Variants in NMRK1 observed in about 807,000 individuals in gnomAD.
NMRK1 encodes the protein nicotinamide riboside kinase 1, also known as NRK 1.
A neutral mutation model predicts 29.9 loss-of-function variants in NMRK1; 28 were observed. The ratio of observed to expected loss-of-function variants is 0.94; its 90% CI spans 0.69 to 1.28. The LOEUF (loss-of-function observed/expected upper bound fraction) is 1.28, where lower values mean the gene tolerates loss of function less well. Among genes scored for constraint, NMRK1 ranks in the 50% most tolerant of loss-of-function variants. The pLI is 0.00. For synonymous variants in NMRK1, 58 were observed against 73.0 expected (o/e 0.79, Z 1.05); for missense variants, 218 against 233.1 (o/e 0.94, Z 0.42).
At chr9:75,082,077 ATT>A (rs1824354916) in intron 2 of NMRK1, among the ~76,000 whole-genome samples, 1 of 152,208 alleles carries the variant, frequency 6.6e-6, no homozygotes, top group Admixed American at 6.5e-5. Flanking sequence ...TGATATTCAG[ATT>A]TAATTCTCAA....
intron 1 of NMRK1, among the ~76,000 whole-genome samples, chr9:75,085,086 A>C (rs549397574): frequency 2.5e-4 from 38 of 152,284 alleles, no homozygotes; most frequent in African/African-American, 8.9e-4. Flanking sequence ...TTACAAAACT[A>C]TGTTGTCAGA....
Position 75,069,798 on chromosome 9 carries a change from T to C in NMRK1, c.333A>G (p.Ile111Met), listed in dbSNP as rs200223897. 1.2e-6 allele frequency: 2 copies of C among 1,613,104 alleles called. No individual in the cohort carries two copies. The highest frequency in any genetic ancestry group is 1.7e-5 in the Admixed American group (1 of 59,878). Residue 111 changes from isoleucine to methionine, a missense_variant, in exon 6 of 9, where the codon ATA becomes ATG. Physicochemically the swap from Ile to Met is conservative, Grantham distance 10 (BLOSUM62 1). Coordinates refer to ENST00000361092, the MANE Select transcript of NMRK1 (RefSeq NM_017881.3). ...LLFNYKPLDT[I>M]WNRSYFLTIP... ...TAGTCAGGAAATAGCTTCTATTCCA[T>C]ATAGTGTCAAGGGGCCTAAAATAAC... is the stretch of plus-strand genomic sequence containing the variant.
At chr9:75,083,183 T>C in intron 1 of NMRK1, 33 bp from the exon 2 acceptor site, 3 of 1,120,878 alleles carry the variant, frequency 2.7e-6, no homozygotes, top group Non-Finnish European at 4.1e-6. Flanking sequence ...ACAAATCAAA[T>C]GCATTTCATT....
At chr9:75,081,275 C>A (rs1375365032) in intron 2 of NMRK1, among the ~76,000 whole-genome samples, 5 of 152,160 alleles carry the variant, frequency 3.3e-5, no homozygotes, top group African/African-American at 4.8e-5. Flanking sequence ...ATGGGCTTCA[C>A]AGGTGCAGCA....
chr9:75,077,332 G>A (rs1238168645), intron 3 of NMRK1, 125 bp from the exon 4 acceptor site: 18 of 845,812 alleles, frequency 2.1e-5, no homozygotes, highest in South Asian at 2.0e-4. Flanking sequence ...AGCACTGATA[G>A]ACAGTGCCAT....
At chr9:75,066,711 C>G (rs76022985) in intron 8 of NMRK1, 46 bp downstream of exon 8, 13,225 of 1,029,720 alleles carry the variant, frequency 0.013, 108 homozygotes, top group Non-Finnish European at 0.017. Context: ...AATGATTTTC[C>G]TGGCTGTTTC....
intron 1 of NMRK1, among the ~76,000 whole-genome samples, chr9:75,084,174 T>C (rs1404243209): frequency 6.6e-6 from 1 of 152,228 alleles, no homozygotes; most frequent in Non-Finnish European, 1.5e-5. Context: ...AATCTTAGAA[T>C]AGTGGCTCCT....
At position 75,070,052 on chromosome 9, in the gene NMRK1, AAC is replaced by A. The variant is rs1823611317; in HGVS notation, c.170-12_170-11del. 2 of 1,604,028 alleles carry A rather than the reference AAC, an allele frequency of 1.2e-6. No individual in the cohort carries two copies. The highest frequency in any genetic ancestry group is 1.7e-6 in the Non-Finnish European group (2 of 1,176,986). On this transcript the variant is annotated splice_polypyrimidine_tract_variant and intron_variant, in intron 4 of 8. Coordinates refer to ENST00000361092, the MANE Select transcript of NMRK1 (RefSeq NM_017881.3). ...TTAAGTGCTTCAAGCACTTCAAACA[AAC>A]ACACAAAAATATGCAATCAATATAG...
chr9:75,085,269 A>C (rs761710605), intron 1 of NMRK1, among the ~76,000 whole-genome samples: 2 of 152,234 alleles, frequency 1.3e-5, no homozygotes, highest in Non-Finnish European at 2.9e-5. Flanking sequence ...GCATAAGTGG[A>C]AACTGGCTCA....
intron 1 of NMRK1, among the ~76,000 whole-genome samples, chr9:75,084,355 A>C (rs1218320301): frequency 6.6e-6 from 1 of 152,254 alleles, no homozygotes; most frequent in Non-Finnish European, 1.5e-5. Context: ...GGGGTTATGC[A>C]GAAAAAAGCC....
At position 75,061,391 on chromosome 9, in the gene NMRK1, G is replaced by T. The variant is rs993503885; in HGVS notation, c.*157C>A. The T allele has an allele frequency of 3.1e-6, 2 of 648,736 alleles. No individual in the cohort carries two copies. Among genetic ancestry groups the T allele is most frequent in the South Asian group, 2.0e-5 (1 of 50,672 alleles). 40.2% of individuals were successfully genotyped at this position (648,736 alleles called of 1,614,324 possible). A position where few individuals can be genotyped will look rare whatever the true frequency, so the allele number is the denominator to read the frequency against. On this transcript the variant is annotated 3_prime_UTR_variant, in exon 9 of 9. Transcript: ENST00000361092. The stretch of plus-strand genomic sequence containing the variant: ...CTGTCCATTGGCATGGATATTTATT[G>T]TTCCACATGTTGGGAAAACCATGTG...
intron 7 of NMRK1, 83 bp downstream of exon 7, chr9:75,068,913 C>T (rs188098811): frequency 5.5e-6 from 5 of 911,876 alleles, no homozygotes; most frequent in Non-Finnish European, 5.3e-6. Flanking sequence ...TCCCTTTATA[C>T]TTTTCTATGA....
At chr9:75,067,395 G>C (rs1823421566) in intron 7 of NMRK1, among the ~76,000 whole-genome samples, 1 of 152,016 alleles carries the variant, frequency 6.6e-6, no homozygotes. Context: ...AATAAAACTG[G>C]CATAAGCAGC....
rs1484836620 is a variant in NMRK1 at position 75,069,281 on chromosome 9, C to A, written c.390-179G>T. The stretch of plus-strand genomic sequence containing the variant: ...GAACGACAGTAACATGGATTTAGTT[C>A]TTTGATATTAAAATTAACTTTGTAA... On this transcript the variant is annotated intron_variant, in intron 6 of 8. Transcript: ENST00000361092. 9.8e-5 allele frequency: 54 copies of A among 551,246 alleles called. No individual in the cohort carries two copies. The Admixed American group carries it at 1.7e-3, about 17-fold the overall frequency. The allele number at this position is 551,246 out of a possible 1,614,324, so 34.1% of individuals were successfully genotyped here. A position where few individuals can be genotyped will look rare whatever the true frequency, so the allele number is the denominator to read the frequency against.
chr9:75,086,912 T>G (rs2208688), intron 1 of NMRK1, among the ~76,000 whole-genome samples: 30,624 of 150,898 alleles, frequency 0.2, 3,350 homozygotes, highest in Admixed American at 0.24. Flanking sequence ...GGCTGGGTTT[T>G]TTTTTTTTTT....
In NMRK1 at chr9:75,060,700, TC is replaced by T. The variant is rs1181595043; in HGVS notation, c.*847del. 1.3e-5 allele frequency: 2 copies of T among 152,096 alleles called. No individual in the cohort carries two copies. Among genetic ancestry groups the T allele is most frequent in the Non-Finnish European group, 2.9e-5 (2 of 68,012 alleles). 9.4% of individuals were successfully genotyped at this position (152,096 alleles called of 1,614,324 possible). On this transcript the variant is annotated 3_prime_UTR_variant, in exon 9 of 9. Coordinates refer to ENST00000361092, the MANE Select transcript of NMRK1 (RefSeq NM_017881.3). ...TCCTTCTGTGCTTTCCAAAGATAGG[TC>T]CCCTGGATTCCACATGATTGAAGTA...
chr9:75,065,457 C>T (rs559658640), intron 8 of NMRK1, among the ~76,000 whole-genome samples: 1 of 152,116 alleles, frequency 6.6e-6, no homozygotes, highest in South Asian at 2.1e-4. Context: ...ATGTGAGCCA[C>T]TGTGCTTGGT....
intron 1 of NMRK1, among the ~76,000 whole-genome samples, chr9:75,086,171 AAAAC>A (rs1824617982): frequency 1.3e-5 from 2 of 152,208 alleles, no homozygotes; most frequent in African/African-American, 4.8e-5. Context: ...GAAAAAAACC[AAAAC>A]AAACAGGCAA....
At chr9:75,070,064 T>A in intron 4 of NMRK1, 22 bp from the exon 5 acceptor site, 1 of 1,601,446 alleles carries the variant, frequency 6.2e-7, no homozygotes, top group Non-Finnish European at 8.5e-7. Context: ...CACACAAAAA[T>A]ATGCAATCAA....
Sources: gnomAD v4.1 joint callset for allele counts (sites outside exome capture counted in the v4.1 genomes callset) on GRCh38, gnomAD v4.1.1 for gene constraint, MANE v1.5 for transcripts, NCBI Gene and HGNC (gene_info 2026-07-23, HGNC 2026-07-21) for gene names.